TXNDC16: variants seen among roughly 807,000 people sequenced by gnomAD.
TXNDC16 encodes the protein thioredoxin domain-containing protein 16.
TXNDC16 carries 74 observed loss-of-function variants against 85.6 expected under a neutral mutation model. That is an observed-to-expected ratio of 0.86 (90% CI 0.72 to 1.05). The LOEUF (loss-of-function observed/expected upper bound fraction) is 1.05, where lower values mean the gene tolerates loss of function less well. TXNDC16 is among the 50% of genes least tolerant of loss of function. The pLI is 0.00. For missense variants in TXNDC16, 959 were observed against 947.0 expected (o/e 1.01, Z -0.17); for synonymous variants, 335 against 326.5 (o/e 1.03, Z -0.28).
At chr14:52,466,577 A>C (rs2035780921) in intron 16 of TXNDC16, among the ~76,000 whole-genome samples, 1 of 151,878 alleles carries the variant, frequency 6.6e-6, no homozygotes, top group Non-Finnish European at 1.5e-5. Context: ...TAAAAAATAA[A>C]GAAAAATGGC....
At chr14:52,449,958 T>C (rs1019829567) in intron 18 of TXNDC16, among the ~76,000 whole-genome samples, 3 of 152,096 alleles carry the variant, frequency 2.0e-5, no homozygotes, top group Non-Finnish European at 4.4e-5. Flanking sequence ...AAGGAAAGTT[T>C]ATAGCAATGA....
Position 52,503,035 on chromosome 14 carries a change from C to T in TXNDC16, c.756+8205G>A, listed in dbSNP as rs182746532. Among the ~76,000 whole-genome samples the T allele has an allele frequency of 3.9e-4, 59 of 152,308 alleles. No homozygotes were observed. The East Asian group carries it at 6.6e-3, about 17-fold the overall frequency. On this transcript the variant is annotated intron_variant, in intron 9 of 20. Coordinates refer to ENST00000281741, the MANE Select transcript of TXNDC16 (RefSeq NM_020784.3). ...GGTGGCAGCGAGGCTTGAGGAGGGG[C>T]GCCCGCCATTGCCAAGGCTTGAGTA...
intron 1 of TXNDC16, among the ~76,000 whole-genome samples, chr14:52,551,743 C>T (rs6572850): frequency 0.5 from 76,210 of 151,838 alleles, 19,807 homozygotes; most frequent in East Asian, 0.71. Context: ...AGCAGTAACA[C>T]AGCATGTATT....
chr14:52,530,399 AATATATAAT>A (rs2037503672), intron 6 of TXNDC16, among the ~76,000 whole-genome samples: 1 of 18,370 alleles, frequency 5.4e-5, no homozygotes, highest in African/African-American at 3.9e-4. Flanking sequence ...ATTATAATAT[AATATATAAT>A]TATTATATAA....
At position 52,552,132 on chromosome 14, in the gene TXNDC16, G is replaced by A. The variant is rs1296592056; in HGVS notation, c.-182+184C>T. On this transcript the variant is annotated intron_variant, in intron 1 of 20. Coordinates refer to ENST00000281741, the MANE Select transcript of TXNDC16 (RefSeq NM_020784.3). ...CGGTGTTTCCCGCCGTTCATGCAGC[G>A]AAAAGAGAAAGCAAAATGCCCTCAG... Among the ~76,000 whole-genome samples, 3 of 152,204 alleles carry A rather than the reference G, an allele frequency of 2.0e-5. No individual in the cohort carries two copies. In the East Asian group the frequency reaches 5.8e-4, roughly 29 times the overall value.
intron 15 of TXNDC16, 52 bp downstream of exon 15, chr14:52,470,460 A>G (rs912892028): frequency 1.5e-5 from 23 of 1,541,130 alleles, no homozygotes; most frequent in Non-Finnish European, 1.7e-5. Context: ...GAGAATTAGA[A>G]CTTCTAAAGA....
intron 9 of TXNDC16, among the ~76,000 whole-genome samples, chr14:52,509,429 T>G (rs76869466): frequency 0.014 from 2,053 of 151,928 alleles, 68 homozygotes; most frequent in African/African-American, 0.047. Flanking sequence ...GAATGGAAGA[T>G]TAAAACATAT....
Position 52,519,282 on chromosome 14 carries a change from A to G in TXNDC16, c.404T>C (p.Phe135Ser). 1 of 1,594,156 alleles carries G rather than the reference A, an allele frequency of 6.3e-7. No individual in the cohort carries two copies. Among genetic ancestry groups the G allele is most frequent in the East Asian group, 2.2e-5 (1 of 44,602 alleles). ...GTTGGTAATATATTTCACTTCACTA[A>G]AAAGAAGAGCACTGAAATAAATACA... is the stretch of plus-strand genomic sequence containing the variant. ...IVAHVLFALL[F>S]SEVKYITNLE... Residue 135 changes from phenylalanine (F) to serine (S), a missense_variant, in exon 7 of 21, where the codon TTT becomes TCT. Physicochemically the swap from Phe to Ser is radical, Grantham distance 155. Coordinates refer to ENST00000281741, the MANE Select transcript of TXNDC16 (RefSeq NM_020784.3).
intron 14 of TXNDC16, among the ~76,000 whole-genome samples, chr14:52,471,378 T>C (rs1408580061): frequency 5.9e-5 from 9 of 152,252 alleles, no homozygotes; most frequent in Admixed American, 5.9e-4. Flanking sequence ...ATTCAGTGTG[T>C]CTACACTAAT....
chr14:52,456,532 G>GCTTA (rs1226597971), intron 17 of TXNDC16, among the ~76,000 whole-genome samples: 1 of 152,082 alleles, frequency 6.6e-6, no homozygotes. Context: ...AACTACTGGG[G>GCTTA]CTTAGTAAGT....
intron 18 of TXNDC16, among the ~76,000 whole-genome samples, chr14:52,441,685 C>T (rs1403087620): frequency 6.6e-6 from 1 of 151,964 alleles, no homozygotes; most frequent in East Asian, 1.9e-4. Flanking sequence ...ATGCTATGCA[C>T]ATTAAAATAA....
chr14:52,463,299 C>T (rs1330721963), intron 16 of TXNDC16, among the ~76,000 whole-genome samples: 2 of 152,124 alleles, frequency 1.3e-5, no homozygotes, highest in African/African-American at 2.4e-5. Context: ...CCAGTGGCTG[C>T]GAGAGAGCAA....
rs1351576458 is a variant in TXNDC16, at chr14:52,511,305, T to C, written c.691A>G (p.Met231Val). 1 of 1,609,226 alleles carries C rather than the reference T, an allele frequency of 6.2e-7. No homozygotes were observed. The highest frequency in any genetic ancestry group is 8.5e-7 in the Non-Finnish European group (1 of 1,176,824). Residue 231 changes from methionine to valine, a missense_variant, in exon 9 of 21, where the codon ATG (methionine) becomes GTG (valine). By Grantham distance (21) the Met-to-Val change is conservative (BLOSUM62 1). Coordinates refer to ENST00000281741, the MANE Select transcript of TXNDC16 (RefSeq NM_020784.3). The part of the protein sequence containing the change: ...DLTQQCRRTL[M>V]EQPLTTLNIH... Reference sequence around the variant, plus strand: ...TTCAGTGTAGTCAATGGCTGTTCCATTAGTGTTCTTCTACATTGCTGGGTC... The same window carrying C: ...TTCAGTGTAGTCAATGGCTGTTCCACTAGTGTTCTTCTACATTGCTGGGTC...
intron 9 of TXNDC16, among the ~76,000 whole-genome samples, chr14:52,505,028 A>T (rs2036760156): frequency 6.6e-6 from 1 of 152,244 alleles, no homozygotes; most frequent in East Asian, 1.9e-4. Context: ...TAACTATCGT[A>T]AATATATATG....
At chr14:52,499,168 A>C (rs1377612971) in intron 9 of TXNDC16, among the ~76,000 whole-genome samples, 1 of 152,236 alleles carries the variant, frequency 6.6e-6, no homozygotes, top group Non-Finnish European at 1.5e-5. Context: ...TACAAAAGTT[A>C]ACTCATAATG....
At chr14:52,440,032 T>C (rs889543257) in intron 19 of TXNDC16, among the ~76,000 whole-genome samples, 2 of 152,158 alleles carry the variant, frequency 1.3e-5, no homozygotes, top group African/African-American at 4.8e-5. Context: ...ACAGCAAAAA[T>C]GTACACTGCC....
At chr14:52,526,882 A>C (rs148702841) in intron 6 of TXNDC16, among the ~76,000 whole-genome samples, 1 of 152,276 alleles carries the variant, frequency 6.6e-6, no homozygotes, top group Non-Finnish European at 1.5e-5. Flanking sequence ...AATCATATCT[A>C]CATAACAAAG....
chr14:52,470,770 T>C (rs190036564), intron 14 of TXNDC16, 90 bp from the exon 15 acceptor site: 2 of 1,231,138 alleles, frequency 1.6e-6, no homozygotes, highest in Non-Finnish European at 2.2e-6. Context: ...CCCATTCTTA[T>C]TTTAACCTCT....
chr14:52,486,003 T>A (rs73294895), intron 12 of TXNDC16, among the ~76,000 whole-genome samples: 5,132 of 152,246 alleles, frequency 0.034, 259 homozygotes, highest in African/African-American at 0.12. Context: ...AGTTGCACTA[T>A]ATAACTTAAA....
Sources: gnomAD v4.1 joint callset for allele counts (sites outside exome capture counted in the v4.1 genomes callset) on GRCh38, gnomAD v4.1.1 for gene constraint, MANE v1.5 for transcripts, NCBI Gene and HGNC (gene_info 2026-07-23, HGNC 2026-07-21) for gene names.